The following DMD variants were observed in gnomAD, a reference collection of about 807,000 sequenced individuals.
DMD encodes the protein mutant dystrophin.
Under a neutral mutation model 330.1 loss-of-function variants are expected in DMD, and 63 were observed. That is an observed-to-expected ratio of 0.19 (90% CI 0.16 to 0.24). The LOEUF (loss-of-function observed/expected upper bound fraction) is 0.24, where lower values mean the gene tolerates loss of function less well. DMD is among the 10% of genes least tolerant of loss of function. DMD has a pLI of 1.00. For synonymous variants in DMD, 1,223 were observed against 959.8 expected (o/e 1.27, Z -5.07); for missense variants, 3,344 against 2,684.1 (o/e 1.25, Z -5.43).
intron 59 of DMD, among the ~76,000 whole-genome samples, chrX:31,468,101 C>G (rs1330141639): frequency 9.0e-6 from 1 of 111,322 alleles, no homozygotes; most frequent in Non-Finnish European, 1.9e-5. Flanking sequence ...TTTTGTTAAT[C>G]TTTTCAAAAA....
chrX:32,619,882 A>G (rs1376437292), intron 11 of DMD, among the ~76,000 whole-genome samples: 1 of 111,869 alleles, frequency 8.9e-6, no homozygotes, highest in African/African-American at 3.3e-5. Flanking sequence ...AGTGAGAATT[A>G]GAGACATGGA....
At chrX:31,833,293 G>GAGAGAGAGAGAGA (rs1569464426) in intron 49 of DMD, among the ~76,000 whole-genome samples, 2 of 13,978 alleles carry the variant, frequency 1.4e-4, no homozygotes, top group African/African-American at 5.5e-4. Context: ...AGAGAGAGAG[G>GAGAGAGAGAGAGA]GAGAGAGGGA....
chrX:31,968,312 T>G, intron 45 of DMD, 27 bp downstream of exon 45: 1 of 1,204,677 alleles, frequency 8.3e-7, no homozygotes, highest in Non-Finnish European at 1.1e-6. Context: ...TAAAATGTTT[T>G]CATTCCTATT....
At chrX:32,253,044 A>G (rs2097283216) in intron 43 of DMD, among the ~76,000 whole-genome samples, 1 of 100,776 alleles carries the variant, frequency 9.9e-6, no homozygotes, top group Non-Finnish European at 2.0e-5. Context: ...ATTGGTATGG[A>G]GTCAGAGAAG....
At chrX:31,675,279 G>A (rs990946316) in intron 53 of DMD, among the ~76,000 whole-genome samples, 4 of 111,822 alleles carry the variant, frequency 3.6e-5, no homozygotes, top group African/African-American at 1.3e-4. Context: ...CTCTGACCAC[G>A]CTTTCAAGAT....
chrX:32,736,515 C>G (rs1414120368), intron 7 of DMD, among the ~76,000 whole-genome samples: 1 of 110,299 alleles, frequency 9.1e-6, no homozygotes, highest in Non-Finnish European at 1.9e-5. Context: ...TGGAACCAAC[C>G]CAAATGTCCA....
chrX:31,408,694 C>T (rs1374247017), intron 60 of DMD, among the ~76,000 whole-genome samples: 4 of 102,432 alleles, frequency 3.9e-5, no homozygotes, highest in Non-Finnish European at 5.9e-5. Flanking sequence ...CCACTGCACC[C>T]GGCCTCTTTG....
chrX:31,329,131 G>A (rs1233014341), intron 61 of DMD, among the ~76,000 whole-genome samples: 1 of 112,297 alleles, frequency 8.9e-6, no homozygotes, highest in Non-Finnish European at 1.9e-5. Context: ...CCCATAGACT[G>A]ATTAGCATTT....
chrX:32,318,473 C>A (rs2097592996), intron 41 of DMD, among the ~76,000 whole-genome samples: 1 of 111,325 alleles, frequency 9.0e-6, no homozygotes, highest in Non-Finnish European at 1.9e-5. Context: ...CTGTTTTAGT[C>A]AAGTCACTGG....
At chrX:32,664,916 T>G (rs1053970219) in intron 9 of DMD, among the ~76,000 whole-genome samples, 1 of 111,233 alleles carries the variant, frequency 9.0e-6, no homozygotes, top group Admixed American at 9.6e-5. Context: ...GAATTTGTGT[T>G]GATGGGGAAG....
chrX:31,400,183 T>A (rs976287385), intron 60 of DMD, among the ~76,000 whole-genome samples: 3 of 111,496 alleles, frequency 2.7e-5, no homozygotes, highest in African/African-American at 9.8e-5. Context: ...TGGGAACTGC[T>A]TAGGGCAAAC....
chrX:33,109,965 GGT>G (rs2095327037), intron 1 of DMD, among the ~76,000 whole-genome samples: 1 of 110,551 alleles, frequency 9.0e-6, no homozygotes, highest in Admixed American at 9.7e-5. Flanking sequence ...AAAAAAAAAA[GGT>G]TTTTTTGTTT....
chrX:32,631,274 C>G (rs1470460977), intron 11 of DMD, among the ~76,000 whole-genome samples: 2 of 111,591 alleles, frequency 1.8e-5, no homozygotes, highest in East Asian at 2.8e-4. Flanking sequence ...TGTGTTGGGT[C>G]ACTCCTAAAG....
intron 43 of DMD, among the ~76,000 whole-genome samples, chrX:32,281,570 G>A (rs917229003): frequency 9.0e-6 from 1 of 111,402 alleles, no homozygotes; most frequent in Non-Finnish European, 1.9e-5. Flanking sequence ...GTCCCTAGAA[G>A]CCTGCTTCAG....
intron 44 of DMD, among the ~76,000 whole-genome samples, chrX:32,165,753 G>C (rs955639698): frequency 2.7e-5 from 3 of 111,672 alleles, no homozygotes; most frequent in Admixed American, 1.9e-4. Flanking sequence ...ATCTTGAATT[G>C]TAATCCTTAT....
intron 49 of DMD, among the ~76,000 whole-genome samples, chrX:31,831,813 A>G (rs1255399913): frequency 3.6e-5 from 4 of 112,168 alleles, no homozygotes; most frequent in East Asian, 5.6e-4. Context: ...CATGTTAGCC[A>G]GGATGGTCTC....
intron 47 of DMD, among the ~76,000 whole-genome samples, chrX:31,887,450 AAATCTTCCT>A (rs750295822): frequency 1.5e-4 from 17 of 111,972 alleles, no homozygotes; most frequent in Non-Finnish European, 3.2e-4. Context: ...TCCATTCTTC[AAATCTTCCT>A]AATAACAAAG....
intron 62 of DMD, among the ~76,000 whole-genome samples, chrX:31,278,015 T>TAA (rs34835188): frequency 4.6e-5 from 1 of 21,874 alleles, no homozygotes; most frequent in Non-Finnish European, 7.1e-5. Context: ...AAGTTGAAAT[T>TAA]AAAAAAAAAA....
At chrX:31,471,943 G>C (rs1277995786) in intron 59 of DMD, among the ~76,000 whole-genome samples, 2 of 111,929 alleles carry the variant, frequency 1.8e-5, no homozygotes, top group Non-Finnish European at 3.8e-5. Flanking sequence ...TGCATGCTTT[G>C]TAAACTAGAT....
Sources: allele counts gnomAD v4.1 joint callset (sites outside exome capture counted in the v4.1 genomes callset), GRCh38; gene constraint gnomAD v4.1.1; transcripts MANE v1.5; gene names NCBI Gene and HGNC (gene_info 2026-07-23, HGNC 2026-07-21).